ADCK1: variants seen among roughly 807,000 people sequenced by gnomAD.
ADCK1 encodes the protein aarF domain-containing protein kinase 1.
ADCK1 carries 41 observed loss-of-function variants against 52.3 expected under a neutral mutation model. The observed-to-expected ratio is 0.78, with a 90% CI of 0.61 to 1.02. ADCK1 has a LOEUF of 1.02. Among genes scored for constraint, ADCK1 ranks in the 50% least tolerant of loss-of-function variants. The pLI is 0.00. For missense variants in ADCK1, 658 were observed against 679.5 expected, an observed-to-expected ratio of 0.97 and a Z score of 0.35; for synonymous variants, 250 against 274.6, an observed-to-expected ratio of 0.91 and a Z score of 0.89.
At chr14:77,849,278 T>G (rs1198121609) in intron 3 of ADCK1, among the ~76,000 whole-genome samples, 1 of 152,186 alleles carries the variant, frequency 6.6e-6, no homozygotes, top group African/African-American at 2.4e-5. Flanking sequence ...CTCTCTATGT[T>G]GCTTAGGCAG....
intron 7 of ADCK1, among the ~76,000 whole-genome samples, chr14:77,913,231 T>C (rs2083835892): frequency 1.3e-5 from 2 of 152,174 alleles, no homozygotes; most frequent in African/African-American, 4.8e-5. Flanking sequence ...GTCCAGGCGG[T>C]TCAGACACTC....
intron 5 of ADCK1, among the ~76,000 whole-genome samples, chr14:77,887,545 G>T (rs1303610831): frequency 1.3e-5 from 2 of 152,200 alleles, no homozygotes; most frequent in East Asian, 3.9e-4. Flanking sequence ...GGGAAGGGAT[G>T]TTGTAGAAAT....
intron 3 of ADCK1, among the ~76,000 whole-genome samples, chr14:77,837,895 G>A (rs1271704127): frequency 1.3e-5 from 2 of 152,184 alleles, no homozygotes; most frequent in African/African-American, 2.4e-5. Context: ...ACTCATACTG[G>A]CTTGGATGAG....
At chr14:77,805,816 C>T (rs1197692110) in intron 1 of ADCK1, among the ~76,000 whole-genome samples, 1 of 151,906 alleles carries the variant, frequency 6.6e-6, no homozygotes, top group Non-Finnish European at 1.5e-5. Context: ...CTCAAAAAAC[C>T]TCCCAATCTT....
intron 7 of ADCK1, among the ~76,000 whole-genome samples, chr14:77,915,411 A>G (rs1024238848): frequency 2.7e-5 from 4 of 148,668 alleles, no homozygotes; most frequent in East Asian, 2.0e-4. Flanking sequence ...TCATTGTTCA[A>G]TTCCCAACTA....
chr14:77,871,971 G>C (rs1039300597), intron 4 of ADCK1, among the ~76,000 whole-genome samples: 1 of 152,192 alleles, frequency 6.6e-6, no homozygotes, highest in Non-Finnish European at 1.5e-5. Flanking sequence ...GCATTCCATG[G>C]CTCTTTGCAA....
chr14:77,879,640 G>T (rs1375930418), intron 4 of ADCK1, among the ~76,000 whole-genome samples: 3 of 152,180 alleles, frequency 2.0e-5, no homozygotes, highest in African/African-American at 4.8e-5. Flanking sequence ...GACTTATGCA[G>T]CGAGAAGTGA....
intron 3 of ADCK1, among the ~76,000 whole-genome samples, chr14:77,850,132 A>G (rs2082252667): frequency 6.6e-6 from 1 of 152,192 alleles, no homozygotes; most frequent in Admixed American, 6.5e-5. Flanking sequence ...CCTTGAGGCC[A>G]AGAGTTCAAG....
chr14:77,931,822 C>T (rs1171361895), intron 10 of ADCK1, 111 bp downstream of exon 10: 3 of 1,156,050 alleles, frequency 2.6e-6, no homozygotes, highest in Non-Finnish European at 2.4e-6. Flanking sequence ...GCCTGAGCTT[C>T]CCAATCTCCA....
intron 3 of ADCK1, among the ~76,000 whole-genome samples, chr14:77,844,690 T>A (rs915961381): frequency 1.3e-5 from 2 of 152,238 alleles, no homozygotes; most frequent in African/African-American, 4.8e-5. Context: ...CTGTCCATCT[T>A]GCAGAAGGAA....
intron 4 of ADCK1, among the ~76,000 whole-genome samples, chr14:77,882,196 A>C (rs2083041816): frequency 6.6e-6 from 1 of 152,216 alleles, no homozygotes. Context: ...TAGTGTGGAC[A>C]GATACTTGTC....
intron 4 of ADCK1, among the ~76,000 whole-genome samples, chr14:77,883,446 T>C (rs2083078768): frequency 6.6e-6 from 1 of 152,144 alleles, no homozygotes; most frequent in Non-Finnish European, 1.5e-5. Context: ...TATTTTTCCT[T>C]ACCATCTATC....
intron 3 of ADCK1, among the ~76,000 whole-genome samples, chr14:77,852,662 T>TAAATAA (rs1374417660): frequency 0.044 from 858 of 19,364 alleles, 22 homozygotes; most frequent in African/African-American, 0.16. Context: ...AATAAATAAA[T>TAAATAA]ATATATATAT....
rs1244732408 is a variant in ADCK1 at position 77,842,460 on chromosome 14, C to T, written c.220-16616C>T. Among the ~76,000 whole-genome samples, 10 of 45,216 alleles carry T rather than the reference C, an allele frequency of 2.2e-4. No homozygotes were observed. The Admixed American group carries it at 3.5e-3, about 16-fold the overall frequency. 29.7% of individuals were successfully genotyped at this position (45,216 alleles called of 152,430 possible). ...CAGGGTATTTTTTTTTCCTTCCTTC[C>T]TTCCTTCCTTCCTTCCTTCCTTCCT... On this transcript the variant is annotated intron_variant, in intron 3 of 10. Coordinates refer to ENST00000238561, the MANE Select transcript of ADCK1 (RefSeq NM_020421.4).
At chr14:77,822,637 A>G (rs984361706) in intron 3 of ADCK1, 119 bp downstream of exon 3, 9 of 850,418 alleles carry the variant, frequency 1.1e-5, no homozygotes, top group African/African-American at 1.7e-5. Context: ...GGCATGAGCC[A>G]CTGTGCCCGG....
intron 4 of ADCK1, among the ~76,000 whole-genome samples, chr14:77,872,465 A>G (rs937355542): frequency 3.9e-5 from 6 of 151,962 alleles, no homozygotes; most frequent in South Asian, 4.2e-4. Context: ...CTAAAAGCCA[A>G]TCATAAGGTG....
chr14:77,907,705 A>T, intron 6 of ADCK1, 98 bp from the exon 7 acceptor site: 1 of 850,102 alleles, frequency 1.2e-6, no homozygotes, highest in Non-Finnish European at 1.8e-6. Context: ...TTGCTCTGGG[A>T]GGAGCCTCTG....
At chr14:77,927,983 A>T (rs1019909652) in intron 9 of ADCK1, among the ~76,000 whole-genome samples, 1 of 152,134 alleles carries the variant, frequency 6.6e-6, no homozygotes, top group African/African-American at 2.4e-5. Context: ...GAGTGGGGTG[A>T]GATGAGTGGT....
chr14:77,861,546 C>G (rs1341429593), intron 4 of ADCK1, among the ~76,000 whole-genome samples: 1 of 152,094 alleles, frequency 6.6e-6, no homozygotes, highest in African/African-American at 2.4e-5. Flanking sequence ...TCCATGCCAG[C>G]CCTAAGACCT....
Sources: allele counts gnomAD v4.1 joint callset (sites outside exome capture counted in the v4.1 genomes callset), GRCh38; gene constraint gnomAD v4.1.1; transcripts MANE v1.5; gene names NCBI Gene and HGNC (gene_info 2026-07-23, HGNC 2026-07-21).